TSNARE1: variants seen among roughly 807,000 people sequenced by gnomAD.
TSNARE1 encodes the protein t-SNARE domain containing 1, also known as t-SNARE domain-containing protein 1.
In TSNARE1, 49 loss-of-function variants were observed where a neutral mutation model predicts 62.0. The observed-to-expected ratio is 0.79, with a 90% CI of 0.63 to 1.00. The LOEUF is 1.00. Among genes scored for constraint, TSNARE1 ranks in the 50% least tolerant of loss-of-function variants. TSNARE1 has a pLI of 0.00. For synonymous variants in TSNARE1, 328 were observed against 294.4 expected, an observed-to-expected ratio of 1.11 and a Z score of -1.17; for missense variants, 755 against 700.1, an observed-to-expected ratio of 1.08 and a Z score of -0.88.
chr8:142,222,967 TTCAC>T (rs1422090519), intron 13 of TSNARE1, among the ~76,000 whole-genome samples: 16 of 129,162 alleles, frequency 1.2e-4, no homozygotes, highest in Admixed American at 5.5e-4. Context: ...CACTCACTCA[TTCAC>T]TCACTCACTC....
At chr8:142,271,590 A>C in intron 12 of TSNARE1, 1 of 1,426,504 alleles carries the variant, frequency 7.0e-7, no homozygotes, top group Non-Finnish European at 9.1e-7. Context: ...GGTGCGTGGA[A>C]GACTCCTCGT....
intron 12 of TSNARE1, chr8:142,271,568 G>C: frequency 7.1e-7 from 1 of 1,408,668 alleles, no homozygotes; most frequent in Non-Finnish European, 9.2e-7. Context: ...AGGTGGGGAG[G>C]GTGAGGAGGT....
intron 12 of TSNARE1, among the ~76,000 whole-genome samples, chr8:142,243,372 A>T (rs1817750256): frequency 6.6e-6 from 1 of 152,210 alleles, no homozygotes; most frequent in Non-Finnish European, 1.5e-5. Flanking sequence ...CCAAAGTCGG[A>T]TAAAGAAAGT....
At chr8:142,343,027 C>T (rs1403278792) in intron 4 of TSNARE1, among the ~76,000 whole-genome samples, 2 of 152,236 alleles carry the variant, frequency 1.3e-5, no homozygotes, top group Non-Finnish European at 2.9e-5. Flanking sequence ...CCCGGGCCCA[C>T]CACAGCAGGA....
At position 142,357,755 on chromosome 8, in the gene TSNARE1, C is replaced by T. The variant is rs72687400; in HGVS notation, c.-39-2992G>A. ...CCTGGAGGTGGGGCTACATGCAGAA[C>T]GCGAGTCCACTGTGTAGGGACAGTT... On this transcript the variant is annotated intron_variant, in intron 1 of 13. Transcript: ENST00000524325. Among the ~76,000 whole-genome samples, 647 of 152,310 alleles carry T rather than the reference C, an allele frequency of 4.2e-3. 3 individuals are homozygous for T. The highest frequency in any genetic ancestry group is 0.014 in the African/African-American group (601 of 41,558).
chr8:142,353,341 C>T (rs78197069), intron 2 of TSNARE1, among the ~76,000 whole-genome samples: 4,255 of 152,250 alleles, frequency 0.028, 67 homozygotes, highest in East Asian at 0.068. Flanking sequence ...TCCTGGCACA[C>T]AGCAGACGCT....
chr8:142,346,168 G>A (rs550839067), intron 2 of TSNARE1, among the ~76,000 whole-genome samples: 1 of 152,274 alleles, frequency 6.6e-6, no homozygotes, highest in East Asian at 1.9e-4. Flanking sequence ...GGCTTGCAGG[G>A]GTAGCCACAG....
At chr8:142,397,766 G>A (rs1036398872) in intron 1 of TSNARE1, among the ~76,000 whole-genome samples, 3 of 152,130 alleles carry the variant, frequency 2.0e-5, no homozygotes, top group African/African-American at 7.2e-5. Flanking sequence ...AGCAGCTGCT[G>A]CCAGTCCACT....
At position 142,344,243 on chromosome 8, in the gene TSNARE1, C is replaced by T; in HGVS notation, c.468G>A (p.Glu156=). Residue 156 remains glutamate, a synonymous_variant, in exon 4 of 14, where the codon GAG becomes GAA. Transcript: ENST00000524325. The stretch of plus-strand genomic sequence containing the variant: ...TCCACACGCGGTACCTGCGAGTGGG[C>T]TCGGCCTTCAGCAGCCCCGTGCCAA... ...LLFGTGLLKA[E]PTRRYRVWSR... 6.2e-7 allele frequency: 1 copy of T among 1,612,108 alleles called. No individual in the cohort carries two copies. Among genetic ancestry groups the T allele is most frequent in the Non-Finnish European group, 8.5e-7 (1 of 1,178,764 alleles).
At chr8:142,339,780 C>A (rs548396639) in intron 4 of TSNARE1, among the ~76,000 whole-genome samples, 1 of 152,244 alleles carries the variant, frequency 6.6e-6, no homozygotes, top group African/African-American at 2.4e-5. Context: ...AAAGACAAGG[C>A]TCGCTCCCCA....
intron 9 of TSNARE1, among the ~76,000 whole-genome samples, chr8:142,311,289 A>ATTTTTTTTTTTTTTTTTT (rs1827542114): frequency 2.9e-5 from 2 of 68,810 alleles, no homozygotes; most frequent in Admixed American, 1.8e-4. Flanking sequence ...CAGCCTCTCT[A>ATTTTTTTTTTTTTTTTTT]GTTTTTTTTT....
intron 1 of TSNARE1, among the ~76,000 whole-genome samples, chr8:142,402,587 T>C (rs1046459350): frequency 1.3e-5 from 2 of 152,180 alleles, no homozygotes; most frequent in African/African-American, 4.8e-5. Flanking sequence ...AAGCACCTTC[T>C]TACAACTTGG....
chr8:142,221,718 CACTCATTCACT>C (rs1816230389), intron 13 of TSNARE1, among the ~76,000 whole-genome samples: 1 of 145,678 alleles, frequency 6.9e-6, no homozygotes, highest in African/African-American at 2.6e-5. Context: ...TCCACTCACT[CACTCATTCACT>C]CACTCATTCA....
At chr8:142,276,934 G>T in intron 11 of TSNARE1, 1 of 985,450 alleles carries the variant, frequency 1.0e-6, no homozygotes, top group Non-Finnish European at 1.2e-6. Flanking sequence ...TGCCAGGTGG[G>T]CACGCCATGT....
intron 12 of TSNARE1, among the ~76,000 whole-genome samples, chr8:142,237,755 G>C (rs1817503300): frequency 6.6e-6 from 1 of 152,176 alleles, no homozygotes; most frequent in African/African-American, 2.4e-5. Flanking sequence ...CAGGCCCCGG[G>C]TGGATGCGGA....
At chr8:142,233,665 C>T (rs976949363) in intron 12 of TSNARE1, among the ~76,000 whole-genome samples, 4 of 152,212 alleles carry the variant, frequency 2.6e-5, no homozygotes, top group Admixed American at 2.6e-4. Context: ...GAGCCCCTCC[C>T]CTGTCTGCTC....
intron 12 of TSNARE1, among the ~76,000 whole-genome samples, chr8:142,242,697 C>A (rs957309578): frequency 6.6e-6 from 1 of 152,172 alleles, no homozygotes; most frequent in Admixed American, 6.5e-5. Context: ...CACGGTGGTT[C>A]ATGCCTGTAA....
chr8:142,222,815 C>CTCAT (rs1816455561), intron 13 of TSNARE1, among the ~76,000 whole-genome samples: 1 of 26,530 alleles, frequency 3.8e-5, no homozygotes, highest in African/African-American at 2.4e-4. Flanking sequence ...CACTCATTCA[C>CTCAT]TCACTCACTC....
intron 1 of TSNARE1, among the ~76,000 whole-genome samples, chr8:142,373,142 A>C (rs1836032465): frequency 6.6e-6 from 1 of 152,076 alleles, no homozygotes; most frequent in African/African-American, 2.4e-5. Flanking sequence ...GTGTCATGAG[A>C]AGAAAGAGAG....
Sources: allele counts gnomAD v4.1 joint callset (sites outside exome capture counted in the v4.1 genomes callset), GRCh38; gene constraint gnomAD v4.1.1; transcripts MANE v1.5; gene names NCBI Gene and HGNC (gene_info 2026-07-23, HGNC 2026-07-21).